Variants in PRKD1 observed in about 807,000 individuals in gnomAD.
The protein encoded by PRKD1 is protein kinase D1.
In PRKD1, 63 loss-of-function variants were observed where a neutral mutation model predicts 95.9. The observed-to-expected ratio is 0.66, with a 90% CI of 0.54 to 0.81. The LOEUF (loss-of-function observed/expected upper bound fraction) is 0.81. Ranked by LOEUF, PRKD1 falls within the 30% of genes least tolerant of loss-of-function variation. PRKD1 has a pLI of 0.00. For synonymous variants in PRKD1, 425 were observed against 423.1 expected, an observed-to-expected ratio of 1.00 and a Z score of -0.05; for missense variants, 1,048 against 1,165.3, an observed-to-expected ratio of 0.90 and a Z score of 1.47.
At chr14:29,906,515 C>A (rs1329406818) in intron 1 of PRKD1, among the ~76,000 whole-genome samples, 3 of 150,102 alleles carry the variant, frequency 2.0e-5, no homozygotes, top group Non-Finnish European at 2.9e-5. Context: ...CAGAGTGAGA[C>A]CTTGTATCAA....
In PRKD1 at chr14:29,713,545, C is replaced by G. The variant is rs556498966; in HGVS notation, c.403+11991G>C. Among the ~76,000 whole-genome samples the G allele has an allele frequency of 3.3e-5, 5 of 152,210 alleles. No individual in the cohort carries two copies. The South Asian group carries it at 1.0e-3, about 32-fold the overall frequency. On this transcript the variant is annotated intron_variant, in intron 2 of 17. Transcript: ENST00000331968. ...TGTCTTTTCTAACTTAGACAACATC[C>G]ATTGTCAGTTACTGACATTTCATTA...
rs565411466 is a variant in PRKD1, at chr14:29,729,433, A to G, written c.265-3759T>C. Among the ~76,000 whole-genome samples, 20 of 152,186 alleles carry G rather than the reference A, an allele frequency of 1.3e-4. 1 individual carries two copies. In the South Asian group the frequency reaches 4.1e-3, roughly 32 times the overall value. On this transcript the variant is annotated intron_variant, in intron 1 of 17. Coordinates refer to ENST00000331968, the MANE Select transcript of PRKD1 (RefSeq NM_002742.3). Reference sequence around the variant, plus strand: ...TTCAGAAAGGTATCCATTTCATTCAAGTTGTCAAATTTCTTGGCATAAAGT... The same window carrying G: ...TTCAGAAAGGTATCCATTTCATTCAGGTTGTCAAATTTCTTGGCATAAAGT...
Position 29,598,975 on chromosome 14 carries a change from A to C in PRKD1, c.2166+52T>G, listed in dbSNP as rs375683827. 1.9e-4 allele frequency: 264 copies of C among 1,419,558 alleles called. 1 individual carries two copies. Among genetic ancestry groups the C allele is most frequent in the Non-Finnish European group, 4.0e-5 (40 of 1,007,422 alleles). 87.9% of individuals were successfully genotyped at this position (1,419,558 alleles called of 1,614,324 possible). ...GGAAGGTGACAAGATGCTACATGGA[A>C]GCTAGCAATGCTTCCAACTGGCTTT... On this transcript the variant is annotated intron_variant, in intron 15 of 17. Transcript: ENST00000331968.
chr14:29,617,085 A>G (rs1878916809), intron 13 of PRKD1, among the ~76,000 whole-genome samples: 1 of 152,186 alleles, frequency 6.6e-6, no homozygotes, highest in Non-Finnish European at 1.5e-5. Context: ...TAGTTTGCCT[A>G]GGAAAATGGC....
chr14:29,619,201 G>C (rs904961124), intron 13 of PRKD1, among the ~76,000 whole-genome samples: 3 of 151,718 alleles, frequency 2.0e-5, no homozygotes, highest in African/African-American at 4.8e-5. Flanking sequence ...TTAGTGAGTT[G>C]CAAGCCAACC....
chr14:29,757,803 T>C (rs1887779811), intron 1 of PRKD1, among the ~76,000 whole-genome samples: 1 of 151,922 alleles, frequency 6.6e-6, no homozygotes, highest in Admixed American at 6.6e-5. Context: ...ATGGCAGTAA[T>C]CCAAATAGGG....
chr14:29,602,556 G>A (rs1437185173), intron 13 of PRKD1, among the ~76,000 whole-genome samples: 2 of 151,534 alleles, frequency 1.3e-5, no homozygotes, highest in African/African-American at 4.8e-5. Context: ...CAGCCTCCCG[G>A]GTAGCTGGGA....
intron 1 of PRKD1, among the ~76,000 whole-genome samples, chr14:29,746,210 T>C (rs1887211561): frequency 6.6e-6 from 1 of 152,068 alleles, no homozygotes; most frequent in Admixed American, 6.6e-5. Context: ...CTTATCAGAG[T>C]ATCTTGACCT....
chr14:29,831,891 T>C (rs953433826), intron 1 of PRKD1, among the ~76,000 whole-genome samples: 1 of 152,184 alleles, frequency 6.6e-6, no homozygotes, highest in Non-Finnish European at 1.5e-5. Flanking sequence ...GTTGCTGTAT[T>C]AGTCCAAAAT....
chr14:29,774,777 T>C (rs1888661376), intron 1 of PRKD1, among the ~76,000 whole-genome samples: 2 of 152,170 alleles, frequency 1.3e-5, no homozygotes, highest in African/African-American at 4.8e-5. Flanking sequence ...CAATCTAATA[T>C]GAAGAGGATA....
intron 13 of PRKD1, among the ~76,000 whole-genome samples, chr14:29,617,243 T>C (rs995880714): frequency 2.0e-5 from 3 of 152,174 alleles, no homozygotes; most frequent in Non-Finnish European, 4.4e-5. Context: ...CTATTGTGAG[T>C]TGTGAGTTAC....
At chr14:29,915,471 AAG>A (rs200248789) in intron 1 of PRKD1, among the ~76,000 whole-genome samples, 1,652 of 152,348 alleles carry the variant, frequency 0.011, 21 homozygotes, top group Non-Finnish European at 0.016. Context: ...GTATTTCTAA[AAG>A]AGATATAAAA....
chr14:29,872,484 T>C (rs1893143102), intron 1 of PRKD1, among the ~76,000 whole-genome samples: 1 of 151,698 alleles, frequency 6.6e-6, no homozygotes, highest in African/African-American at 2.4e-5. Flanking sequence ...AAACCCCATC[T>C]CTACTAAAAA....
intron 1 of PRKD1, among the ~76,000 whole-genome samples, chr14:29,885,801 TACTAAAA>T (rs1893681879): frequency 1.6e-5 from 1 of 64,212 alleles, no homozygotes; most frequent in African/African-American, 6.1e-5. Flanking sequence ...ACCCCATCTT[TACTAAAA>T]AAAAAAAAAA....
At chr14:29,729,483 CT>C (rs1371483331) in intron 1 of PRKD1, among the ~76,000 whole-genome samples, 1 of 152,018 alleles carries the variant, frequency 6.6e-6, no homozygotes, top group East Asian at 1.9e-4. Context: ...CCTTACCACC[CT>C]TTTAATGACT....
At chr14:29,894,621 G>A (rs932387590) in intron 1 of PRKD1, among the ~76,000 whole-genome samples, 1 of 152,184 alleles carries the variant, frequency 6.6e-6, no homozygotes. Flanking sequence ...AACTGACAAC[G>A]TCTATCTAGG....
chr14:29,792,006 C>A (rs2139196043), intron 1 of PRKD1, among the ~76,000 whole-genome samples: 1 of 152,170 alleles, frequency 6.6e-6, no homozygotes, highest in East Asian at 1.9e-4. Context: ...ACATTGGGTA[C>A]AGTAAATCAT....
At chr14:29,592,822 T>C (rs1412693242) in intron 16 of PRKD1, 2 of 152,230 alleles carry the variant, frequency 1.3e-5, no homozygotes, top group Non-Finnish European at 2.9e-5. Flanking sequence ...ACTCAGTTCT[T>C]GATCACAGTG....
intron 1 of PRKD1, among the ~76,000 whole-genome samples, chr14:29,899,079 T>C (rs2139426571): frequency 6.6e-6 from 1 of 152,326 alleles, no homozygotes; most frequent in East Asian, 1.9e-4. Flanking sequence ...AAGATTAGCA[T>C]TTGCTATTTT....
Sources: allele counts gnomAD v4.1 joint callset (sites outside exome capture counted in the v4.1 genomes callset), GRCh38; gene constraint gnomAD v4.1.1; transcripts MANE v1.5; gene names NCBI Gene and HGNC (gene_info 2026-07-23, HGNC 2026-07-21).